Variants in AMDHD2 observed in about 807,000 individuals in gnomAD.
AMDHD2 encodes the protein N-acetylglucosamine-6-phosphate deacetylase.
In AMDHD2, 24 loss-of-function variants were observed where a neutral mutation model predicts 41.8. The ratio of observed to expected loss-of-function variants is 0.57; its 90% CI spans 0.42 to 0.81. AMDHD2 has a LOEUF of 0.81. Among genes scored for constraint, AMDHD2 ranks in the 30% least tolerant of loss-of-function variants. AMDHD2 has a pLI of 0.00. For synonymous variants in AMDHD2, 332 were observed against 255.5 expected, an observed-to-expected ratio of 1.30 and a Z score of -2.85; for missense variants, 540 against 588.5, an observed-to-expected ratio of 0.92 and a Z score of 0.85.
chr16:2,520,823 T>C lies in AMDHD2; in HGVS notation c.138T>C (p.Phe46=), dbSNP rs749126842. The change falls in exon 2 of 11, where the codon TTT becomes TTC. Residue 46 remains phenylalanine, a synonymous_variant. Transcript: ENST00000293971. The part of the protein sequence containing the change: ...GRILDPEKLF[F]EERRVADERR... Reference sequence around the variant, plus strand: ...TCTTGGACCCAGAGAAGCTGTTCTTTGAGGAGCGGCGCGTGGCCGACGAGC... The same window carrying C: ...TCTTGGACCCAGAGAAGCTGTTCTTCGAGGAGCGGCGCGTGGCCGACGAGC... The C allele has an allele frequency of 1.2e-6, 2 of 1,611,216 alleles. No homozygotes were observed. Among genetic ancestry groups the C allele is most frequent in the Non-Finnish European group, 1.7e-6 (2 of 1,179,302 alleles).
rs1424640135 is a variant in AMDHD2 at position 2,527,792 on chromosome 16, C to G, written c.435C>G (p.Pro145=). The G allele has an allele frequency of 1.0e-5, 16 of 1,581,054 alleles. No homozygotes were observed. The African/African-American group carries it at 1.5e-4, about 15-fold the overall frequency. Residue 145 remains proline, a synonymous_variant, in exon 5 of 11, where the codon CCC becomes CCG. Coordinates refer to ENST00000293971, the MANE Select transcript of AMDHD2 (RefSeq NM_001330449.2). This position sits in a 1 kb window ranked among gnomAD's most constrained non-coding sequence, Gnocchi z 6.1. ...AGVLGLHLEG[P]FISREKRGAH... ...TCCCAGGGCTGCACCTGGAGGGCCC[C>G]TTCATCAGCCGGGAGAAGCGGGGCG...
rs759620035 is a variant in AMDHD2, at chr16:2,520,835, C to A, written c.150C>A (p.Arg50=). ...AGAAGCTGTTCTTTGAGGAGCGGCGCGTGGCCGACGAGCGGCGGGACTGCG... is the reference window on the plus strand; with the variant it reads ...AGAAGCTGTTCTTTGAGGAGCGGCGAGTGGCCGACGAGCGGCGGGACTGCG... ...DPEKLFFEER[R]VADERRDCGG... is the part of the protein sequence containing the mutation. The change falls in exon 2 of 11, where the codon CGC becomes CGA. Residue 50 remains arginine (R), a synonymous_variant. Transcript: ENST00000293971. 1.2e-6 allele frequency: 2 copies of A among 1,611,902 alleles called. No individual in the cohort carries two copies. Among genetic ancestry groups the A allele is most frequent in the South Asian group, 1.1e-5 (1 of 90,996 alleles).
Position 2,529,593 on chromosome 16 carries a change from C to T in AMDHD2, c.*30C>T, listed in dbSNP as rs375996977. ...GACCTCGGCTGAGAGGACACCTGGC[C>T]GCAGCGGGATGCCATCAGGGCCGGG... On this transcript the variant is annotated 3_prime_UTR_variant, in exon 11 of 11. Transcript: ENST00000293971. The T allele has an allele frequency of 6.4e-5, 103 of 1,603,552 alleles. No homozygotes were observed. In the Middle Eastern group the frequency reaches 8.3e-4, roughly 13 times the overall value.
rs772026054 is a variant in AMDHD2 at position 2,520,909 on chromosome 16, C to T, written c.220+4C>T. 11 of 1,600,122 alleles carry T rather than the reference C, an allele frequency of 6.9e-6. No individual in the cohort carries two copies. In the South Asian group the frequency reaches 1.2e-4, roughly 18 times the overall value. ...TTCATCGACGTGCAGATCAACGGTG[C>T]GGCCCGGGGCCGGCAGGGGAACCCA... On this transcript the variant is annotated splice_donor_region_variant and intron_variant, in intron 2 of 10. Coordinates refer to ENST00000293971, the MANE Select transcript of AMDHD2 (RefSeq NM_001330449.2).
In AMDHD2 at chr16:2,530,934, G is replaced by T; in HGVS notation, c.*1371G>T. The T allele has an allele frequency of 1.2e-6, 2 of 1,613,510 alleles. No individual in the cohort carries two copies. The highest frequency in any genetic ancestry group is 1.7e-6 in the Non-Finnish European group (2 of 1,179,988). On this transcript the variant is annotated 3_prime_UTR_variant, in exon 11 of 11. Coordinates refer to ENST00000293971, the MANE Select transcript of AMDHD2 (RefSeq NM_001330449.2). ...CTTAGGAAGTGGCTGTCCAGCGCCTGCCTGTGCTGGGCCTGGGAGAGGAGC... is the reference window on the plus strand; with the variant it reads ...CTTAGGAAGTGGCTGTCCAGCGCCTTCCTGTGCTGGGCCTGGGAGAGGAGC...
At chr16:2,524,873 C>T (rs1369867389) in intron 3 of AMDHD2, among the ~76,000 whole-genome samples, 2 of 152,044 alleles carry the variant, frequency 1.3e-5, no homozygotes, top group East Asian at 1.9e-4. Context: ...CCTGGTAGTT[C>T]CCCATAATTG....
In AMDHD2 at chr16:2,529,883, G is replaced by C. The variant is rs2066061915; in HGVS notation, c.*320G>C. 8.2e-7 allele frequency: 1 copy of C among 1,219,682 alleles called. No homozygotes were observed. Among genetic ancestry groups the C allele is most frequent in the African/African-American group, 1.5e-5 (1 of 65,612 alleles). The allele number at this position is 1,219,682 out of a possible 1,614,324, so 75.6% of individuals were successfully genotyped here. A position where few individuals can be genotyped will look rare whatever the true frequency, so the allele number is the denominator to read the frequency against. ...AGTGGGGGACAGGGCCTGTCTGCATGAAGTGGACCGGAGACCTGCAGACCC... is the reference window on the plus strand; with the variant it reads ...AGTGGGGGACAGGGCCTGTCTGCATCAAGTGGACCGGAGACCTGCAGACCC... On this transcript the variant is annotated 3_prime_UTR_variant, in exon 11 of 11. Transcript: ENST00000293971.
intron 3 of AMDHD2, among the ~76,000 whole-genome samples, chr16:2,526,247 G>A (rs893271058): frequency 1.3e-5 from 2 of 152,196 alleles, no homozygotes; most frequent in Non-Finnish European, 2.9e-5. Flanking sequence ...GGGGGTACTC[G>A]TAGGTTGGGG....
rs1001766817 is a variant in AMDHD2 at position 2,520,530 on chromosome 16, G to A, written c.72G>A (p.Gly24=). The change falls in exon 1 of 11, where the codon GGG becomes GGA. Residue 24 remains glycine (G), a synonymous_variant. Coordinates refer to ENST00000293971, the MANE Select transcript of AMDHD2 (RefSeq NM_001330449.2). The part of the protein sequence containing the change: ...QFTNCRILRG[G]KLLREDLWVR... ...CTAACTGCCGGATCCTGCGCGGAGG[G>A]AAACTGCTCAGGTGGGCGCGGGCCG... 2.1e-5 allele frequency: 26 copies of A among 1,216,220 alleles called. No homozygotes were observed. The highest frequency in any genetic ancestry group is 9.5e-5 in the African/African-American group (6 of 62,970). The allele number at this position is 1,216,220 out of a possible 1,614,324, so 75.3% of individuals were successfully genotyped here. A position where few individuals can be genotyped will look rare whatever the true frequency, so the allele number is the denominator to read the frequency against.
rs1372425261 is a variant in AMDHD2 at position 2,529,527 on chromosome 16, T to C, written c.1194T>C (p.Gly398=). The part of the protein sequence containing the change: ...SLHVQATYIS[G]ELVWQADAAR... ...ACGTCCAGGCCACCTACATCTCGGG[T>C]GAGCTGGTGTGGCAGGCGGACGCAG... is the stretch of plus-strand genomic sequence containing the variant. The change falls in exon 11 of 11, where the codon GGT becomes GGC. Residue 398 remains glycine (G), a synonymous_variant. Coordinates refer to ENST00000293971, the MANE Select transcript of AMDHD2 (RefSeq NM_001330449.2). 4 of 1,611,780 alleles carry C rather than the reference T, an allele frequency of 2.5e-6. No homozygotes were observed. The highest frequency in any genetic ancestry group is 3.4e-6 in the Non-Finnish European group (4 of 1,179,944).
Position 2,527,432 on chromosome 16 carries a change from G to T in AMDHD2, c.361-129G>T. The T allele has an allele frequency of 1.1e-6, 1 of 946,566 alleles. No individual in the cohort carries two copies. The highest frequency in any genetic ancestry group is 1.6e-6 in the Non-Finnish European group (1 of 613,706). 58.6% of individuals were successfully genotyped at this position (946,566 alleles called of 1,614,324 possible). A position where few individuals can be genotyped will look rare whatever the true frequency, so the allele number is the denominator to read the frequency against. ...TGTGCTTTCCCTGACCCCTGTGAGG[G>T]GACAGGCGGCCGGGGCTGGGCTGGG... On this transcript the variant is annotated intron_variant, in intron 3 of 10. Coordinates refer to ENST00000293971, the MANE Select transcript of AMDHD2 (RefSeq NM_001330449.2). The surrounding 1 kb of genome is among the most constrained non-coding windows in gnomAD (Gnocchi z 6.1).
rs2066078137 is a variant in AMDHD2, at chr16:2,530,620, T to C, written c.*1057T>C. 1 of 1,614,096 alleles carries C rather than the reference T, an allele frequency of 6.2e-7. No homozygotes were observed. Among genetic ancestry groups the C allele is most frequent in the African/African-American group, 1.3e-5 (1 of 74,936 alleles). On this transcript the variant is annotated 3_prime_UTR_variant, in exon 11 of 11. Coordinates refer to ENST00000293971, the MANE Select transcript of AMDHD2 (RefSeq NM_001330449.2). ...GGCACAGGAGGTACGCGCCTGGCTC[T>C]GCCACTGTTCTCTTCCCTCTGCTGC... is the stretch of plus-strand genomic sequence containing the variant.
At chr16:2,524,272 C>T (rs1379471508) in intron 3 of AMDHD2, among the ~76,000 whole-genome samples, 1 of 152,208 alleles carries the variant, frequency 6.6e-6, no homozygotes, top group Non-Finnish European at 1.5e-5. Context: ...CCATTAAGAC[C>T]ACCTTCTCTT....
In AMDHD2 at chr16:2,527,582, A is replaced by G; in HGVS notation, c.382A>G (p.Lys128Glu). ...CCAGGTTGTTCCTCAGATCCCTGTGAAGAGTGGTGGTCCCCATGGGGCAGG... is the reference window on the plus strand; with the variant it reads ...CCAGGTTGTTCCTCAGATCCCTGTGGAGAGTGGTGGTCCCCATGGGGCAGG... ...YHKVVPQIPVKSGGPHGAGVL... is the reference protein window; with the variant it reads ...YHKVVPQIPVESGGPHGAGVL... The change falls in exon 4 of 11, where the codon AAG becomes GAG. Residue 128 changes from lysine (K) to glutamate (E), a missense_variant. Physicochemically the swap from Lys to Glu is moderately conservative, Grantham distance 56. Coordinates refer to ENST00000293971, the MANE Select transcript of AMDHD2 (RefSeq NM_001330449.2). This position sits in a 1 kb window ranked among gnomAD's most constrained non-coding sequence, Gnocchi z 6.1. The G allele has an allele frequency of 1.2e-6, 2 of 1,613,058 alleles. No individual in the cohort carries two copies. The highest frequency in any genetic ancestry group is 1.7e-6 in the Non-Finnish European group (2 of 1,179,668).
chr16:2,529,875 G>C lies in AMDHD2; in HGVS notation c.*312G>C. 1 of 1,269,374 alleles carries C rather than the reference G, an allele frequency of 7.9e-7. No homozygotes were observed. Among genetic ancestry groups the C allele is most frequent in the South Asian group, 1.7e-5 (1 of 59,332 alleles). 78.6% of individuals were successfully genotyped at this position (1,269,374 alleles called of 1,614,324 possible). ...TGGGCCCCAGTGGGGGACAGGGCCT[G>C]TCTGCATGAAGTGGACCGGAGACCT... is the stretch of plus-strand genomic sequence containing the variant. On this transcript the variant is annotated 3_prime_UTR_variant, in exon 11 of 11. Coordinates refer to ENST00000293971, the MANE Select transcript of AMDHD2 (RefSeq NM_001330449.2).
At chr16:2,524,607 T>C (rs2065980919) in intron 3 of AMDHD2, among the ~76,000 whole-genome samples, 1 of 152,236 alleles carries the variant, frequency 6.6e-6, no homozygotes, top group African/African-American at 2.4e-5. Context: ...GTTTTAATCT[T>C]TAGTGAGCCT....
rs745982433 is a variant in AMDHD2, at chr16:2,529,002, A to G, written c.1048A>G (p.Met350Val). Residue 350 changes from methionine (M) to valine (V), a missense_variant, in exon 10 of 11, where the codon ATG (methionine) becomes GTG (valine). Coordinates refer to ENST00000293971, the MANE Select transcript of AMDHD2 (RefSeq NM_001330449.2). ...RHFLQATGCSMESALEAASLH... is the reference protein window; with the variant it reads ...RHFLQATGCSVESALEAASLH... Reference sequence around the variant, plus strand: ...CTGTGTCCCCCAAGCAGGCTGCAGCATGGAGTCGGCCCTGGAGGCTGCATC... The same window carrying G: ...CTGTGTCCCCCAAGCAGGCTGCAGCGTGGAGTCGGCCCTGGAGGCTGCATC... 1.3e-6 allele frequency: 2 copies of G among 1,581,870 alleles called. No individual in the cohort carries two copies. Among genetic ancestry groups the G allele is most frequent in the Non-Finnish European group, 1.7e-6 (2 of 1,164,756 alleles).
Position 2,525,108 on chromosome 16 carries a change from G to A in AMDHD2, c.361-2453G>A, listed in dbSNP as rs550013724. Reference sequence around the variant, plus strand: ...GTCTCCCTCTGTCACCCAGGCTGGAGTGCAATGGTGTGATCTCTGCTCACT... The same window carrying A: ...GTCTCCCTCTGTCACCCAGGCTGGAATGCAATGGTGTGATCTCTGCTCACT... On this transcript the variant is annotated intron_variant, in intron 3 of 10. Transcript: ENST00000293971. 1.3e-4 allele frequency among the ~76,000 whole-genome samples: 20 copies of A among 151,962 alleles called. No individual in the cohort carries two copies. The South Asian group carries it at 3.9e-3, about 30-fold the overall frequency.
At chr16:2,526,208 G>C (rs1175866526) in intron 3 of AMDHD2, among the ~76,000 whole-genome samples, 1 of 152,138 alleles carries the variant, frequency 6.6e-6, no homozygotes, top group Non-Finnish European at 1.5e-5. Flanking sequence ...GGCCAGCTGG[G>C]GGCACCCAGC....
Sources: allele counts gnomAD v4.1 joint callset (sites outside exome capture counted in the v4.1 genomes callset), GRCh38; gene constraint gnomAD v4.1.1; non-coding constraint Gnocchi (gnomAD v3.1); transcripts MANE v1.5; gene names NCBI Gene and HGNC (gene_info 2026-07-23, HGNC 2026-07-21).